Variants in FAF1 observed in about 807,000 individuals in gnomAD.
The protein encoded by FAF1 is Fas associated factor 1.
A neutral mutation model predicts 92.5 loss-of-function variants in FAF1; 25 were observed. The ratio of observed to expected loss-of-function variants is 0.27; its 90% CI spans 0.20 to 0.38. The LOEUF (loss-of-function observed/expected upper bound fraction) is 0.38. Ranked by LOEUF, FAF1 falls within the 10% of genes least tolerant of loss-of-function variation. FAF1 has a pLI of 1.00. For missense variants in FAF1, 636 were observed against 793.3 expected, an observed-to-expected ratio of 0.80 and a Z score of 2.38; for synonymous variants, 234 against 273.2, an observed-to-expected ratio of 0.86 and a Z score of 1.42.
chr1:50,629,352 A>T (rs1228348801), intron 8 of FAF1, among the ~76,000 whole-genome samples: 1 of 152,092 alleles, frequency 6.6e-6, no homozygotes, highest in Non-Finnish European at 1.5e-5. Context: ...GTATTTTAAT[A>T]GAGACAGGGT....
chr1:50,478,888 T>A (rs893331943), intron 17 of FAF1, among the ~76,000 whole-genome samples: 7 of 152,192 alleles, frequency 4.6e-5, no homozygotes, highest in African/African-American at 1.7e-4. Context: ...AAGTATAACA[T>A]ACATATGAAA....
chr1:50,467,534 C>T (rs1055517247), intron 18 of FAF1, among the ~76,000 whole-genome samples: 1 of 152,014 alleles, frequency 6.6e-6, no homozygotes, highest in Non-Finnish European at 1.5e-5. Context: ...AGGACGGTCT[C>T]GATCTCCTGA....
chr1:50,612,584 G>T, intron 8 of FAF1: 1 of 509,820 alleles, frequency 2.0e-6, no homozygotes. Context: ...GAACTCTTTG[G>T]ATAGCAAATA....
chr1:50,759,486 AT>A (rs1478676419), intron 4 of FAF1, among the ~76,000 whole-genome samples: 2 of 151,816 alleles, frequency 1.3e-5, no homozygotes, highest in Non-Finnish European at 2.9e-5. Context: ...TGAACTCATC[AT>A]TTTTTATGGC....
intron 2 of FAF1, among the ~76,000 whole-genome samples, chr1:50,849,662 G>A (rs958185394): frequency 2.6e-5 from 4 of 151,990 alleles, no homozygotes; most frequent in African/African-American, 7.2e-5. Context: ...CTAACCTCTA[G>A]ACTATATAGA....
intron 8 of FAF1, among the ~76,000 whole-genome samples, chr1:50,619,953 G>A (rs1653113559): frequency 6.9e-6 from 1 of 145,412 alleles, no homozygotes; most frequent in Non-Finnish European, 1.5e-5. Flanking sequence ...CTGTCTCCCA[G>A]GCTGGAGTGC....
intron 1 of FAF1, among the ~76,000 whole-genome samples, chr1:50,925,638 T>C (rs1053133384): frequency 2.0e-5 from 3 of 152,136 alleles, no homozygotes; most frequent in Non-Finnish European, 4.4e-5. Flanking sequence ...ACTCATACAC[T>C]GTTGGTGGGA....
chr1:50,833,341 A>T (rs1299412773), intron 2 of FAF1, among the ~76,000 whole-genome samples: 5 of 137,796 alleles, frequency 3.6e-5, no homozygotes, highest in African/African-American at 8.5e-5. Flanking sequence ...GGCTTATTAT[A>T]AAAAAAAAAA....
At chr1:50,649,437 A>G (rs1200302699) in intron 8 of FAF1, among the ~76,000 whole-genome samples, 1 of 152,092 alleles carries the variant, frequency 6.6e-6, no homozygotes, top group African/African-American at 2.4e-5. Flanking sequence ...GGTGTGAGCC[A>G]TTGTGCCTGG....
At chr1:50,458,894 A>T (rs1391135027) in intron 18 of FAF1, among the ~76,000 whole-genome samples, 1 of 152,120 alleles carries the variant, frequency 6.6e-6, no homozygotes, top group African/African-American at 2.4e-5. Flanking sequence ...TTTACACAAG[A>T]TCAAACACCT....
intron 9 of FAF1, among the ~76,000 whole-genome samples, chr1:50,588,576 T>C (rs1651353994): frequency 6.6e-6 from 1 of 152,132 alleles, no homozygotes; most frequent in African/African-American, 2.4e-5. Context: ...GCATGGGGTC[T>C]AAGGGCACAA....
chr1:50,536,021 G>A (rs1034433867), intron 14 of FAF1, among the ~76,000 whole-genome samples: 3 of 152,070 alleles, frequency 2.0e-5, no homozygotes, highest in Non-Finnish European at 2.9e-5. Flanking sequence ...CCTCTTTGCC[G>A]CCCACCTCAG....
At position 50,959,702 on chromosome 1, in the gene FAF1, C is replaced by T; in HGVS notation, c.45+65G>A. On this transcript the variant is annotated intron_variant, in intron 1 of 18. Coordinates refer to ENST00000396153, the MANE Select transcript of FAF1 (RefSeq NM_007051.3). ...CAGCGTTCAAACGCTGGGAAGAAGA[C>T]TCCCTTGTGGCACCGGAAACCCACG... 4 of 1,413,176 alleles carry T rather than the reference C, an allele frequency of 2.8e-6. No individual in the cohort carries two copies. In the East Asian group the frequency reaches 7.7e-5, roughly 27 times the overall value. 87.5% of individuals were successfully genotyped at this position (1,413,176 alleles called of 1,614,324 possible).
chr1:50,708,027 C>T (rs2124428366), intron 6 of FAF1, among the ~76,000 whole-genome samples: 1 of 152,344 alleles, frequency 6.6e-6, no homozygotes, highest in East Asian at 1.9e-4. Flanking sequence ...TCACACTGGT[C>T]TTGAACTCCT....
intron 1 of FAF1, among the ~76,000 whole-genome samples, chr1:50,878,951 GTGAAT>G (rs1644590842): frequency 6.6e-6 from 1 of 152,144 alleles, no homozygotes; most frequent in Admixed American, 6.6e-5. Flanking sequence ...GAAAGCATAA[GTGAAT>G]CAGATTAGGG....
At chr1:50,915,338 C>T (rs1644912263) in intron 1 of FAF1, among the ~76,000 whole-genome samples, 1 of 150,160 alleles carries the variant, frequency 6.7e-6, no homozygotes, top group African/African-American at 2.4e-5. Flanking sequence ...CCATTGCACT[C>T]CAGCCTGGGC....
At chr1:50,643,735 A>G (rs1405492298) in intron 8 of FAF1, among the ~76,000 whole-genome samples, 1 of 152,104 alleles carries the variant, frequency 6.6e-6, no homozygotes, top group Non-Finnish European at 1.5e-5. Context: ...TGGGATTACA[A>G]GCATGCACCA....
At chr1:50,830,912 A>G (rs1303178270) in intron 2 of FAF1, among the ~76,000 whole-genome samples, 2 of 152,138 alleles carry the variant, frequency 1.3e-5, no homozygotes, top group Non-Finnish European at 2.9e-5. Context: ...AAACTTGAAA[A>G]CCACCAAAAC....
At chr1:50,686,012 C>T (rs1656641364) in intron 7 of FAF1, among the ~76,000 whole-genome samples, 3 of 152,136 alleles carry the variant, frequency 2.0e-5, no homozygotes, top group Non-Finnish European at 4.4e-5. Context: ...GTATTCATCC[C>T]CTGCTCAAAT....
Sources: allele counts gnomAD v4.1 joint callset (sites outside exome capture counted in the v4.1 genomes callset), GRCh38; gene constraint gnomAD v4.1.1; transcripts MANE v1.5; gene names NCBI Gene and HGNC (gene_info 2026-07-23, HGNC 2026-07-21).